Variants in DLG2 observed in about 807,000 individuals in gnomAD.
The protein encoded by DLG2 is discs large MAGUK scaffold protein 2.
DLG2 carries 45 observed loss-of-function variants against 132.5 expected under a neutral mutation model. The ratio of observed to expected loss-of-function variants is 0.34; its 90% CI spans 0.27 to 0.44. The LOEUF (loss-of-function observed/expected upper bound fraction) is 0.44. Among genes scored for constraint, DLG2 ranks in the 20% least tolerant of loss-of-function variants. The pLI is 1.00. For missense variants in DLG2, 1,045 were observed against 1,196.9 expected, an observed-to-expected ratio of 0.87 and a Z score of 1.87; for synonymous variants, 424 against 419.6, an observed-to-expected ratio of 1.01 and a Z score of -0.13.
chr11:84,660,259 G>T (rs1254250486), intron 6 of DLG2, among the ~76,000 whole-genome samples: 2 of 152,108 alleles, frequency 1.3e-5, no homozygotes, highest in African/African-American at 4.8e-5. Context: ...TACCTCCCAG[G>T]AACTGAGTGT....
intron 4 of DLG2, among the ~76,000 whole-genome samples, chr11:85,268,713 A>G (rs1050820451): frequency 6.6e-6 from 1 of 152,204 alleles, no homozygotes; most frequent in African/African-American, 2.4e-5. Context: ...AAGGATAAAT[A>G]CTTCACTGTC....
chr11:84,675,903 G>C (rs2099710726), intron 6 of DLG2, among the ~76,000 whole-genome samples: 1 of 151,994 alleles, frequency 6.6e-6, no homozygotes, highest in Non-Finnish European at 1.5e-5. Context: ...ACTTAAATCA[G>C]TAGGAGGTAG....
At chr11:84,618,140 T>C (rs951798986) in intron 6 of DLG2, among the ~76,000 whole-genome samples, 3 of 151,970 alleles carry the variant, frequency 2.0e-5, no homozygotes, top group African/African-American at 4.8e-5. Flanking sequence ...ATTCAGGGAA[T>C]TGTAACTATT....
chr11:85,496,048 T>C lies in DLG2; in HGVS notation c.40+102609A>G, dbSNP rs2153114687. On this transcript the variant is annotated intron_variant, in intron 3 of 27. Coordinates refer to ENST00000376104, the MANE Select transcript of DLG2 (RefSeq NM_001142699.3). The stretch of plus-strand genomic sequence containing the variant: ...ACCTGATTCATCTCATTGGGACTGG[T>C]TGGACAGTGGGTGCAGCCCACAGAG... 2.0e-5 allele frequency among the ~76,000 whole-genome samples: 3 copies of C among 152,258 alleles called. 1 individual carries two copies. In the Middle Eastern group the frequency reaches 0.01, roughly 518 times the overall value.
intron 4 of DLG2, among the ~76,000 whole-genome samples, chr11:85,281,217 C>T (rs902775564): frequency 9.9e-5 from 15 of 151,962 alleles, no homozygotes; most frequent in Admixed American, 4.6e-4. Context: ...GCAAACAAGT[C>T]GATGTCACTT....
chr11:84,743,548 A>G (rs1406627715), intron 6 of DLG2, among the ~76,000 whole-genome samples: 1 of 152,218 alleles, frequency 6.6e-6, no homozygotes, highest in Non-Finnish European at 1.5e-5. Context: ...TCTCTAAAGA[A>G]TTTACACACT....
chr11:84,859,984 C>A (rs1034694992), intron 6 of DLG2, among the ~76,000 whole-genome samples: 18 of 152,098 alleles, frequency 1.2e-4, no homozygotes, highest in African/African-American at 4.1e-4. Context: ...CTGTCCCTCA[C>A]ATTATTGTTA....
chr11:85,423,959 G>C (rs2090517861), intron 3 of DLG2, among the ~76,000 whole-genome samples: 1 of 152,140 alleles, frequency 6.6e-6, no homozygotes. Context: ...TTCTTGATCA[G>C]TTCAAATTGT....
At chr11:84,943,771 T>C (rs1385479466) in intron 6 of DLG2, among the ~76,000 whole-genome samples, 3 of 152,224 alleles carry the variant, frequency 2.0e-5, no homozygotes, top group African/African-American at 7.2e-5. Context: ...TATGAATAGT[T>C]TGTATACCAT....
intron 6 of DLG2, among the ~76,000 whole-genome samples, chr11:84,951,163 T>C (rs1046851172): frequency 3.9e-5 from 6 of 152,200 alleles, no homozygotes; most frequent in African/African-American, 1.4e-4. Flanking sequence ...ACTGTGCTTC[T>C]AGTTACACTG....
At chr11:83,856,365 G>A (rs757932701) in intron 16 of DLG2, among the ~76,000 whole-genome samples, 25 of 152,116 alleles carry the variant, frequency 1.6e-4, no homozygotes, top group Non-Finnish European at 3.2e-4. Flanking sequence ...GGATTGCTGG[G>A]TCAAATGGTA....
rs117122845 is a variant in DLG2 at position 84,020,530 on chromosome 11, G to A, written c.919+38785C>T. 8.1e-3 allele frequency among the ~76,000 whole-genome samples: 1,239 copies of A among 152,218 alleles called. 10 individuals are homozygous for A. Among genetic ancestry groups the A allele is most frequent in the Non-Finnish European group, 0.014 (938 of 68,010 alleles). ...CTTCATTCAGTGGCTTGTATCCTTC[G>A]CAGCTGTAAATAAAACAAGCTGAAA... On this transcript the variant is annotated intron_variant, in intron 11 of 27. Coordinates refer to ENST00000376104, the MANE Select transcript of DLG2 (RefSeq NM_001142699.3).
At chr11:84,894,470 T>C (rs1164228411) in intron 6 of DLG2, among the ~76,000 whole-genome samples, 1 of 152,130 alleles carries the variant, frequency 6.6e-6, no homozygotes, top group East Asian at 1.9e-4. Flanking sequence ...TTAGTATACA[T>C]ACACATACTC....
chr11:85,364,114 C>T (rs1412969106), intron 3 of DLG2, among the ~76,000 whole-genome samples: 1 of 152,068 alleles, frequency 6.6e-6, no homozygotes, highest in Non-Finnish European at 1.5e-5. Flanking sequence ...TAATAAGCAC[C>T]TTGGCTGAGG....
At chr11:84,137,681 T>C (rs1269327792) in intron 9 of DLG2, among the ~76,000 whole-genome samples, 1 of 152,160 alleles carries the variant, frequency 6.6e-6, no homozygotes, top group Non-Finnish European at 1.5e-5. Context: ...GCTTCCACCA[T>C]ATGGTTCAGT....
intron 5 of DLG2, among the ~76,000 whole-genome samples, chr11:85,141,277 G>A (rs989060834): frequency 2.0e-5 from 3 of 151,856 alleles, no homozygotes; most frequent in Non-Finnish European, 4.4e-5. Context: ...GGGGTGAGAT[G>A]ATACCCCACT....
chr11:84,213,712 G>A (rs529963633), intron 8 of DLG2, among the ~76,000 whole-genome samples: 6 of 151,620 alleles, frequency 4.0e-5, no homozygotes, highest in South Asian at 2.1e-4. Flanking sequence ...CCAGCTACTC[G>A]GGAGGCTGAG....
intron 6 of DLG2, among the ~76,000 whole-genome samples, chr11:84,580,470 G>T (rs2099513766): frequency 6.6e-6 from 1 of 152,114 alleles, no homozygotes; most frequent in Admixed American, 6.6e-5. Flanking sequence ...TGGTCCTCTG[G>T]TGGAAACATT....
intron 18 of DLG2, chr11:83,647,778 G>A (rs1232713902): frequency 6.6e-6 from 1 of 152,122 alleles, no homozygotes; most frequent in Non-Finnish European, 1.5e-5. Context: ...AGTTTTGGAA[G>A]GGAACAAAAA....
Sources: gnomAD v4.1 joint callset for allele counts (sites outside exome capture counted in the v4.1 genomes callset) on GRCh38, gnomAD v4.1.1 for gene constraint, MANE v1.5 for transcripts, NCBI Gene and HGNC (gene_info 2026-07-23, HGNC 2026-07-21) for gene names.